Variants in FRMD5 observed in about 807,000 individuals in gnomAD.
FRMD5 encodes FERM domain-containing protein 5.
A neutral mutation model predicts 69.0 loss-of-function variants in FRMD5; 20 were observed. The observed-to-expected ratio is 0.29, with a 90% CI of 0.20 to 0.42. FRMD5 has a LOEUF of 0.42. Ranked by LOEUF, FRMD5 falls within the 10% of genes least tolerant of loss-of-function variation. FRMD5 has a pLI of 1.00. For missense variants in FRMD5, 595 were observed against 708.6 expected (o/e 0.84, Z 1.82); for synonymous variants, 271 against 260.1 (o/e 1.04, Z -0.40).
At chr15:44,102,208 T>A (rs1406939700) in intron 1 of FRMD5, among the ~76,000 whole-genome samples, 1 of 152,152 alleles carries the variant, frequency 6.6e-6, no homozygotes, top group Non-Finnish European at 1.5e-5. Context: ...ATGTGAGGAA[T>A]GTGTAGTTCA....
chr15:44,077,543 G>A (rs1049078281), intron 1 of FRMD5, among the ~76,000 whole-genome samples: 2 of 151,968 alleles, frequency 1.3e-5, no homozygotes, highest in Non-Finnish European at 2.9e-5. Context: ...AAAGAAATTT[G>A]ATAATTCAAA....
chr15:43,896,838 T>C (rs1005018035), intron 7 of FRMD5, among the ~76,000 whole-genome samples: 1 of 152,212 alleles, frequency 6.6e-6, no homozygotes, highest in East Asian at 1.9e-4. Flanking sequence ...TAAAACCCTC[T>C]GGAAGATGAT....
Position 43,873,298 on chromosome 15 carries a change from C to A in FRMD5, c.*587G>T. ...CATAAGAAGCAACTTTCCATTTAAT[C>A]ATTCTACATGGATGTTTACTTTTTT... On this transcript the variant is annotated 3_prime_UTR_variant, in exon 14 of 14. Coordinates refer to ENST00000417257, the MANE Select transcript of FRMD5 (RefSeq NM_032892.5). The A allele has an allele frequency of 1.3e-6, 2 of 1,531,976 alleles. No homozygotes were observed. Among genetic ancestry groups the A allele is most frequent in the South Asian group, 2.5e-5 (2 of 81,280 alleles). 94.9% of individuals were successfully genotyped at this position (1,531,976 alleles called of 1,614,324 possible). A position where few individuals can be genotyped will look rare whatever the true frequency, so the allele number is the denominator to read the frequency against.
At chr15:44,090,958 A>G (rs935066552) in intron 1 of FRMD5, among the ~76,000 whole-genome samples, 3 of 152,154 alleles carry the variant, frequency 2.0e-5, no homozygotes, top group South Asian at 2.1e-4. Context: ...ACAACCTAAC[A>G]CAACCAGCTT....
intron 1 of FRMD5, among the ~76,000 whole-genome samples, chr15:44,154,710 T>C (rs568480651): frequency 6.6e-6 from 1 of 152,310 alleles, no homozygotes; most frequent in East Asian, 1.9e-4. Flanking sequence ...ATTCCATTTA[T>C]ATAAAATATC....
intron 4 of FRMD5, among the ~76,000 whole-genome samples, chr15:43,910,548 T>A: frequency 8.2e-6 from 1 of 122,416 alleles, no homozygotes; most frequent in South Asian, 2.6e-4. Context: ...CACTCTAGCC[T>A]GGGCAATCGG....
At chr15:43,906,817 G>A (rs371035309) in intron 5 of FRMD5, among the ~76,000 whole-genome samples, 1 of 149,390 alleles carries the variant, frequency 6.7e-6, no homozygotes, top group African/African-American at 2.6e-5. Context: ...TAGCCAGGAT[G>A]GTCTCGATCT....
At chr15:44,128,581 C>T (rs1202980081) in intron 1 of FRMD5, among the ~76,000 whole-genome samples, 1 of 152,122 alleles carries the variant, frequency 6.6e-6, no homozygotes, top group African/African-American at 2.4e-5. Flanking sequence ...GCATACATCA[C>T]TAGGATTTCA....
intron 13 of FRMD5, among the ~76,000 whole-genome samples, chr15:43,881,050 G>C (rs1350119705): frequency 6.6e-6 from 1 of 152,184 alleles, no homozygotes; most frequent in Non-Finnish European, 1.5e-5. Context: ...TCTCTACACA[G>C]AGAGCCTCAG....
intron 1 of FRMD5, among the ~76,000 whole-genome samples, chr15:44,028,702 C>T (rs182590646): frequency 6.6e-6 from 1 of 152,280 alleles, no homozygotes; most frequent in East Asian, 1.9e-4. Context: ...CAGAGTGCTA[C>T]TGGGTTCTGA....
At chr15:43,984,444 T>G (rs1045694893) in intron 1 of FRMD5, among the ~76,000 whole-genome samples, 2 of 152,050 alleles carry the variant, frequency 1.3e-5, no homozygotes, top group African/African-American at 4.8e-5. Flanking sequence ...AGGCAGAGGG[T>G]AAGCACTGGA....
intron 5 of FRMD5, among the ~76,000 whole-genome samples, chr15:43,908,024 A>C (rs1457426030): frequency 6.6e-6 from 1 of 152,202 alleles, no homozygotes; most frequent in African/African-American, 2.4e-5. Context: ...TTGAAGGAAA[A>C]TGAATGATTG....
chr15:43,967,264 G>A (rs1379822944), intron 1 of FRMD5, among the ~76,000 whole-genome samples: 1 of 150,346 alleles, frequency 6.7e-6, no homozygotes, highest in Non-Finnish European at 1.5e-5. Context: ...ATGGAGCCTC[G>A]CTCTGTCGCC....
At chr15:43,936,792 A>G (rs2089768955) in intron 1 of FRMD5, among the ~76,000 whole-genome samples, 1 of 151,600 alleles carries the variant, frequency 6.6e-6, no homozygotes, top group African/African-American at 2.4e-5. Flanking sequence ...TGACTGAGAC[A>G]AGGGGGTCCC....
rs144520173 is a variant in FRMD5 at position 44,017,878 on chromosome 15, G to T, written c.103-93569C>A. On this transcript the variant is annotated intron_variant, in intron 1 of 13. Coordinates refer to ENST00000417257, the MANE Select transcript of FRMD5 (RefSeq NM_032892.5). ...CCCGCCTCATCCTCCCAAAGTGCTG[G>T]GATTACAAGTGTGAGCCACCGCACC... Among the ~76,000 whole-genome samples, 348 of 152,036 alleles carry T rather than the reference G, an allele frequency of 2.3e-3. 7 individuals carry two copies. The East Asian group carries it at 0.059, about 26-fold the overall frequency.
rs949016707 is a variant in FRMD5 at position 43,909,999 on chromosome 15, TAA to T, written c.330-22_330-21del. 1 of 1,364,900 alleles carries T rather than the reference TAA, an allele frequency of 7.3e-7. No homozygotes were observed. The highest frequency in any genetic ancestry group is 1.0e-6 in the Non-Finnish European group (1 of 956,214). 84.5% of individuals were successfully genotyped at this position (1,364,900 alleles called of 1,614,324 possible). A position where few individuals can be genotyped will look rare whatever the true frequency, so the allele number is the denominator to read the frequency against. On this transcript the variant is annotated intron_variant, in intron 4 of 13. Coordinates refer to ENST00000417257, the MANE Select transcript of FRMD5 (RefSeq NM_032892.5). ...AAATACCTGGAGAGAAAACAGAGAA[TAA>T]ACTATAAAGGATTTCTTTGATTGCT...
chr15:44,185,380 T>C (rs1055844173), intron 1 of FRMD5, among the ~76,000 whole-genome samples: 2 of 152,188 alleles, frequency 1.3e-5, no homozygotes, highest in Admixed American at 6.5e-5. Context: ...GATAAGTGTA[T>C]ACTGAGAAAT....
At chr15:44,108,568 T>G (rs1440455090) in intron 1 of FRMD5, among the ~76,000 whole-genome samples, 1 of 152,000 alleles carries the variant, frequency 6.6e-6, no homozygotes, top group Non-Finnish European at 1.5e-5. Flanking sequence ...TTGCTTAAAC[T>G]CTGGAGGCAG....
At chr15:44,091,683 T>A (rs2076475638) in intron 1 of FRMD5, among the ~76,000 whole-genome samples, 1 of 152,198 alleles carries the variant, frequency 6.6e-6, no homozygotes, top group Non-Finnish European at 1.5e-5. Context: ...ATATATGGTG[T>A]CTGGTTCATT....
Sources: gnomAD v4.1 joint callset for allele counts (sites outside exome capture counted in the v4.1 genomes callset) on GRCh38, gnomAD v4.1.1 for gene constraint, MANE v1.5 for transcripts, NCBI Gene and HGNC (gene_info 2026-07-23, HGNC 2026-07-21) for gene names.